PDE4D: variants seen among roughly 807,000 people sequenced by gnomAD.
PDE4D encodes the protein 3',5'-cyclic-AMP phosphodiesterase 4D.
PDE4D carries 24 observed loss-of-function variants against 87.4 expected under a neutral mutation model. The observed-to-expected ratio is 0.27, with a 90% confidence interval of 0.20 to 0.39. The LOEUF (loss-of-function observed/expected upper bound fraction) is 0.39. Ranked by LOEUF, PDE4D falls within the 10% of genes least tolerant of loss-of-function variation. PDE4D has a pLI of 1.00. For missense variants in PDE4D, 714 were observed against 1,041.0 expected (o/e 0.69, Z 4.32); for synonymous variants, 384 against 383.2 (o/e 1.00, Z -0.02).
intron 1 of PDE4D, among the ~76,000 whole-genome samples, chr5:60,298,725 T>C (rs1297734085): frequency 6.6e-6 from 1 of 152,252 alleles, no homozygotes; most frequent in Non-Finnish European, 1.5e-5. Flanking sequence ...CCTGTCAATG[T>C]ATCCATCAAT....
chr5:59,625,757 G>A (rs569234983), intron 1 of PDE4D, among the ~76,000 whole-genome samples: 69 of 152,134 alleles, frequency 4.5e-4, no homozygotes, highest in African/African-American at 1.5e-3. Flanking sequence ...ATAAATACAC[G>A]ACTATATTAT....
rs568359003 is a variant in PDE4D, at chr5:59,151,964, T to C, written c.808+28631A>G. On this transcript the variant is annotated intron_variant, in intron 5 of 14. Coordinates refer to ENST00000340635, the MANE Select transcript of PDE4D (RefSeq NM_001104631.2). Reference sequence around the variant, plus strand: ...TAAGGAAAGGAAAAAGGCAAGAGAATAGAGTAGAGAACATGTGAAAAGGAG... The same window carrying C: ...TAAGGAAAGGAAAAAGGCAAGAGAACAGAGTAGAGAACATGTGAAAAGGAG... 4.6e-5 allele frequency among the ~76,000 whole-genome samples: 7 copies of C among 151,734 alleles called. No homozygotes were observed. In the South Asian group the frequency reaches 1.5e-3, roughly 32 times the overall value.
At chr5:59,275,318 ATG>A (rs1561862281) in intron 1 of PDE4D, 12 of 1,580,018 alleles carry the variant, frequency 7.6e-6, no homozygotes, top group Admixed American at 1.7e-5. Flanking sequence ...GGGGAAAAGC[ATG>A]AGAGAAAAGA....
intron 2 of PDE4D, among the ~76,000 whole-genome samples, chr5:60,122,390 C>A (rs1398111362): frequency 6.6e-6 from 1 of 152,250 alleles, no homozygotes; most frequent in Non-Finnish European, 1.5e-5. Context: ...TCTGCCTGGG[C>A]ATCCAGGCAT....
intron 3 of PDE4D, among the ~76,000 whole-genome samples, chr5:59,945,018 A>C (rs1276781323): frequency 6.6e-6 from 1 of 152,258 alleles, no homozygotes; most frequent in South Asian, 2.1e-4. Flanking sequence ...ACACTGTTAC[A>C]TGTTAAAATT....
At chr5:59,596,060 T>C (rs1167832453) in intron 1 of PDE4D, among the ~76,000 whole-genome samples, 1 of 151,490 alleles carries the variant, frequency 6.6e-6, no homozygotes, top group Non-Finnish European at 1.5e-5. Flanking sequence ...AATAGGAAGC[T>C]GGAAGAGGCT....
chr5:59,115,679 T>C (rs1773484861), intron 5 of PDE4D, among the ~76,000 whole-genome samples: 1 of 152,192 alleles, frequency 6.6e-6, no homozygotes, highest in African/African-American at 2.4e-5. Context: ...GGGGACACTA[T>C]TAGGGTTGCA....
intron 1 of PDE4D, among the ~76,000 whole-genome samples, chr5:59,425,608 A>C (rs1795080608): frequency 6.6e-6 from 1 of 152,194 alleles, no homozygotes; most frequent in Admixed American, 6.5e-5. Context: ...TAAAAAAGCA[A>C]ATGTTAGTCT....
At chr5:59,181,543 G>GATATATATATAT (rs3061466) in intron 4 of PDE4D, among the ~76,000 whole-genome samples, 4,524 of 117,892 alleles carry the variant, frequency 0.038, 102 homozygotes, top group Admixed American at 0.06. Context: ...AAAGATGTCT[G>GATATATATATAT]ATATATATAT....
chr5:59,085,460 A>G (rs1269367803), intron 5 of PDE4D, among the ~76,000 whole-genome samples: 5 of 152,216 alleles, frequency 3.3e-5, no homozygotes, highest in African/African-American at 1.2e-4. Context: ...TGTAATAGAT[A>G]TGCTATAGCC....
At chr5:60,294,480 C>CA (rs540169464) in intron 1 of PDE4D, among the ~76,000 whole-genome samples, 2 of 152,026 alleles carry the variant, frequency 1.3e-5, no homozygotes, top group Non-Finnish European at 2.9e-5. Flanking sequence ...CTTGAAGTAT[C>CA]AGAGTTTTAC....
Position 59,646,242 on chromosome 5 carries a change from A to T in PDE4D, c.455+246926T>A, listed in dbSNP as rs115735861. ...AAAGGGACTCCTCGAGTTGTATAAG[A>T]CATCAGTTGGTATAAAGCCTGGACC... On this transcript the variant is annotated intron_variant, in intron 1 of 14. Transcript: ENST00000340635. Among the ~76,000 whole-genome samples, 919 of 152,340 alleles carry T rather than the reference A, an allele frequency of 6.0e-3. 6 individuals carry two copies. The highest frequency in any genetic ancestry group is 9.8e-3 in the Non-Finnish European group (664 of 68,022).
chr5:60,382,375 T>C (rs1761919899), intron 1 of PDE4D, among the ~76,000 whole-genome samples: 2 of 152,122 alleles, frequency 1.3e-5, no homozygotes, highest in Non-Finnish European at 2.9e-5. Context: ...TCAGTCAAGG[T>C]CCTATGGGGT....
intron 2 of PDE4D, among the ~76,000 whole-genome samples, chr5:60,085,422 T>C (rs539091251): frequency 6.6e-6 from 1 of 152,196 alleles, no homozygotes; most frequent in Non-Finnish European, 1.5e-5. Context: ...CCTCCAGGCA[T>C]AGCCAGTCTT....
At chr5:60,373,152 A>G (rs1056468454) in intron 1 of PDE4D, among the ~76,000 whole-genome samples, 12 of 152,326 alleles carry the variant, frequency 7.9e-5, no homozygotes, top group African/African-American at 2.9e-4. Context: ...CACGGGCCAT[A>G]CCCGTCCTGT....
chr5:60,338,094 G>C (rs911873379), intron 1 of PDE4D, among the ~76,000 whole-genome samples: 1 of 152,078 alleles, frequency 6.6e-6, no homozygotes, highest in African/African-American at 2.4e-5. Context: ...GATAAAGGAA[G>C]GTGAGTAGCC....
At chr5:59,084,475 C>T (rs1424406658) in intron 5 of PDE4D, among the ~76,000 whole-genome samples, 3 of 151,524 alleles carry the variant, frequency 2.0e-5, no homozygotes, top group African/African-American at 7.3e-5. Flanking sequence ...ATTTAAACTT[C>T]TATTTATTAA....
At chr5:59,871,878 T>C (rs970192386) in intron 1 of PDE4D, among the ~76,000 whole-genome samples, 2 of 152,114 alleles carry the variant, frequency 1.3e-5, no homozygotes, top group African/African-American at 4.8e-5. Flanking sequence ...CCTCATCCCT[T>C]CTAACAAATT....
At chr5:59,236,770 G>T (rs1160490595) in intron 1 of PDE4D, among the ~76,000 whole-genome samples, 1 of 151,760 alleles carries the variant, frequency 6.6e-6, no homozygotes, top group Admixed American at 6.6e-5. Flanking sequence ...GGTTAAACGG[G>T]ATGGAGAAAG....
Sources: gnomAD v4.1 joint callset for allele counts (sites outside exome capture counted in the v4.1 genomes callset) on GRCh38, gnomAD v4.1.1 for gene constraint, MANE v1.5 for transcripts, NCBI Gene and HGNC (gene_info 2026-07-23, HGNC 2026-07-21) for gene names.